Variants in TSHR observed in about 807,000 individuals in gnomAD.
TSHR encodes the protein thyroid stimulating hormone receptor, also known as thyrotropin receptor.
Under a neutral mutation model 64.1 loss-of-function variants are expected in TSHR, and 51 were observed. That is an observed-to-expected ratio of 0.80 (90% CI 0.64 to 1.01). TSHR has a LOEUF of 1.01. TSHR is among the 50% of genes least tolerant of loss of function. TSHR has a pLI of 0.00. For missense variants in TSHR, 877 were observed against 942.8 expected (o/e 0.93, Z 0.91); for synonymous variants, 361 against 361.9 (o/e 1.00, Z 0.03).
intron 8 of TSHR, among the ~76,000 whole-genome samples, chr14:81,124,554 T>G (rs1345517960): frequency 2.0e-5 from 3 of 152,132 alleles, no homozygotes; most frequent in Admixed American, 2.0e-4. Context: ...GTAGTAAAAT[T>G]AACAGGTAAT....
chr14:81,045,009 A>G (rs554279404), intron 1 of TSHR, among the ~76,000 whole-genome samples: 26 of 152,352 alleles, frequency 1.7e-4, no homozygotes, highest in Admixed American at 5.2e-4. Flanking sequence ...AATGCCCATC[A>G]ATGACAGACT....
At position 81,013,234 on chromosome 14, in the gene TSHR, C is replaced by G. The variant is rs535391631; in HGVS notation, c.171-48914C>G. The G allele has an allele frequency of 2.6e-5, 4 of 152,236 alleles. No individual in the cohort carries two copies. The East Asian group carries it at 7.7e-4, about 29-fold the overall frequency. 9.4% of individuals were successfully genotyped at this position (152,236 alleles called of 1,614,324 possible). A position where few individuals can be genotyped will look rare whatever the true frequency, so the allele number is the denominator to read the frequency against. On this transcript the variant is annotated intron_variant, in intron 1 of 9. Transcript: ENST00000298171. The stretch of plus-strand genomic sequence containing the variant: ...CATTGCTTGTTTTTCTCAGGTTTGT[C>G]AAAGATCAGATAGTTGTAGATATGC...
intron 6 of TSHR, among the ~76,000 whole-genome samples, chr14:81,096,354 T>C (rs938257260): frequency 3.3e-5 from 5 of 152,188 alleles, no homozygotes; most frequent in African/African-American, 9.6e-5. Flanking sequence ...AATATTCTTT[T>C]AAAATCTTCA....
chr14:81,076,015 A>T (rs1690013761), intron 3 of TSHR, among the ~76,000 whole-genome samples: 1 of 152,112 alleles, frequency 6.6e-6, no homozygotes, highest in Non-Finnish European at 1.5e-5. Context: ...TGAAATTGGA[A>T]ATCATCATTC....
intron 7 of TSHR, chr14:81,104,350 G>A: frequency 1.0e-6 from 1 of 985,300 alleles, no homozygotes; most frequent in Non-Finnish European, 1.2e-6. Flanking sequence ...CATAATCAAG[G>A]CCCAGCCCAA....
chr14:81,069,255 G>A (rs531140399), intron 3 of TSHR, among the ~76,000 whole-genome samples: 3 of 151,926 alleles, frequency 2.0e-5, no homozygotes, highest in Non-Finnish European at 4.4e-5. Flanking sequence ...TTCCTTGGTC[G>A]CACAGTTACC....
intron 1 of TSHR, among the ~76,000 whole-genome samples, chr14:81,060,687 A>T (rs1886173669): frequency 6.6e-6 from 1 of 152,192 alleles, no homozygotes; most frequent in Non-Finnish European, 1.5e-5. Context: ...GTAACCCCTC[A>T]GCTTAGAGAA....
intron 1 of TSHR, among the ~76,000 whole-genome samples, chr14:81,005,870 G>A (rs1322478251): frequency 2.6e-5 from 4 of 152,128 alleles, no homozygotes; most frequent in Non-Finnish European, 5.9e-5. Context: ...TAATAGTAAC[G>A]GGTCCTTTGA....
chr14:80,974,177 G>A (rs1052950707), intron 1 of TSHR, among the ~76,000 whole-genome samples: 7 of 152,186 alleles, frequency 4.6e-5, no homozygotes, highest in Admixed American at 2.0e-4. Context: ...TTAACCCTCG[G>A]TGTGAGCATT....
rs1237819854 is a variant in TSHR, at chr14:81,143,728, T to G, written c.1670T>G (p.Leu557Trp). 2.5e-6 allele frequency: 4 copies of G among 1,614,202 alleles called. No homozygotes were observed. The highest frequency in any genetic ancestry group is 1.7e-5 in the Admixed American group (1 of 60,034). The change falls in exon 10 of 10, where the codon TTG (leucine) becomes TGG (tryptophan). Residue 557 changes from leucine (L) to tryptophan (W), a missense_variant. Coordinates refer to ENST00000298171, the MANE Select transcript of TSHR (RefSeq NM_000369.5). ...TGCTTCCTTCTCGCCCTGCTTCCTTTGGTGGGAATAAGTAGCTATGCCAAA... is the reference window on the plus strand; with the variant it reads ...TGCTTCCTTCTCGCCCTGCTTCCTTGGGTGGGAATAAGTAGCTATGCCAAA... Reference protein sequence around the residue: ...VCCFLLALLPLVGISSYAKVS... With the variant: ...VCCFLLALLPWVGISSYAKVS...
intron 1 of TSHR, among the ~76,000 whole-genome samples, chr14:81,046,649 C>A (rs2139857723): frequency 6.6e-6 from 1 of 151,932 alleles, no homozygotes; most frequent in Middle Eastern, 3.4e-3. Flanking sequence ...AATTTTAATG[C>A]AACAATAATC....
chr14:81,026,098 A>G (rs905662137), intron 1 of TSHR, among the ~76,000 whole-genome samples: 3 of 152,348 alleles, frequency 2.0e-5, no homozygotes, highest in Non-Finnish European at 4.4e-5. Context: ...TAACTCTACA[A>G]GAAACTATCT....
chr14:80,994,734 A>T (rs1173804758), intron 1 of TSHR: 5 of 152,230 alleles, frequency 3.3e-5, no homozygotes, highest in African/African-American at 1.2e-4. Flanking sequence ...TTAACTCAAG[A>T]TGGATTAAAG....
chr14:81,070,980 G>C (rs1168915152), intron 3 of TSHR, among the ~76,000 whole-genome samples: 1 of 152,082 alleles, frequency 6.6e-6, no homozygotes, highest in Non-Finnish European at 1.5e-5. Flanking sequence ...TCAATATATG[G>C]GTAAATATAA....
intron 1 of TSHR, among the ~76,000 whole-genome samples, chr14:81,009,333 T>C (rs1041127238): frequency 2.0e-5 from 3 of 152,234 alleles, no homozygotes; most frequent in Non-Finnish European, 4.4e-5. Flanking sequence ...CTGGCTACAC[T>C]GCATATTAAT....
At chr14:80,979,914 T>C (rs2139718890) in intron 1 of TSHR, among the ~76,000 whole-genome samples, 1 of 152,346 alleles carries the variant, frequency 6.6e-6, no homozygotes, top group Admixed American at 6.5e-5. Flanking sequence ...GATCAGCCTG[T>C]ACTGCGGATG....
intron 8 of TSHR, among the ~76,000 whole-genome samples, chr14:81,138,383 G>T (rs28507187): frequency 0.034 from 5,188 of 151,836 alleles, 282 homozygotes; most frequent in East Asian, 0.23. Context: ...TAGAGATGGG[G>T]TTTCACTATG....
rs71103896 is a variant in TSHR at position 81,067,483 on chromosome 14, T to TTATATATATATATATATATATA, written c.243-770_243-749dup. ...TAATTAGTGAAAGGAGTTTATAGTTTTATATATATATATATATATATAGTG... is the reference window on the plus strand; with the variant it reads ...TAATTAGTGAAAGGAGTTTATAGTTTTATATATATATATATATATATATATATATATATATATATATATAGTG... On this transcript the variant is annotated intron_variant, in intron 2 of 9. Coordinates refer to ENST00000298171, the MANE Select transcript of TSHR (RefSeq NM_000369.5). 2.0e-3 allele frequency among the ~76,000 whole-genome samples: 264 copies of TTATATATATATATATATATATA among 134,872 alleles called. 1 individual carries two copies. The highest frequency in any genetic ancestry group is 5.0e-3 in the South Asian group (21 of 4,178). The allele number at this position is 134,872 out of a possible 152,430, so 88.5% of individuals were successfully genotyped here.
At position 81,068,194 on chromosome 14, in the gene TSHR, T is replaced by C. The variant is rs544860165; in HGVS notation, c.243-60T>C. 2.4e-5 allele frequency: 36 copies of C among 1,503,692 alleles called. No homozygotes were observed. The East Asian group carries it at 2.5e-4, about 10-fold the overall frequency. 93.1% of individuals were successfully genotyped at this position (1,503,692 alleles called of 1,614,324 possible). On this transcript the variant is annotated intron_variant, in intron 2 of 9. Coordinates refer to ENST00000298171, the MANE Select transcript of TSHR (RefSeq NM_000369.5). Reference sequence around the variant, plus strand: ...ACAAAAAGTTATGTCAAAAATAGTATGTTTGAAGTTTACAACCTTACTAAC... The same window carrying C: ...ACAAAAAGTTATGTCAAAAATAGTACGTTTGAAGTTTACAACCTTACTAAC...
Sources: allele counts gnomAD v4.1 joint callset (sites outside exome capture counted in the v4.1 genomes callset), GRCh38; gene constraint gnomAD v4.1.1; transcripts MANE v1.5; gene names NCBI Gene and HGNC (gene_info 2026-07-23, HGNC 2026-07-21).